The following HS1BP3 variants were observed in gnomAD, a reference collection of about 807,000 sequenced individuals.
HS1BP3 encodes the protein HCLS1 binding protein 3, also known as HCLS1-binding protein 3.
In HS1BP3, 32 loss-of-function variants were observed where a neutral mutation model predicts 33.5. The ratio of observed to expected loss-of-function variants is 0.95; its 90% CI spans 0.72 to 1.28. The LOEUF is 1.28. Among genes scored for constraint, HS1BP3 ranks in the 50% most tolerant of loss-of-function variants. The pLI, the probability that HS1BP3 is intolerant of heterozygous loss-of-function variation, is 0.00. For synonymous variants in HS1BP3, 187 were observed against 209.2 expected (o/e 0.89, Z 0.92); for missense variants, 486 against 502.3 (o/e 0.97, Z 0.31).
At chr2:20,575,606 G>C (rs910210054) in intron 5 of HS1BP3, among the ~76,000 whole-genome samples, 1 of 152,254 alleles carries the variant, frequency 6.6e-6, no homozygotes, top group African/African-American at 2.4e-5. Flanking sequence ...TGAGGAGCCA[G>C]GCACTGGGGA....
At chr2:20,565,271 C>T (rs1363968056) in intron 5 of HS1BP3, among the ~76,000 whole-genome samples, 1 of 152,230 alleles carries the variant, frequency 6.6e-6, no homozygotes, top group Non-Finnish European at 1.5e-5. Context: ...GCTGCACACT[C>T]ACCCAGGGCA....
At chr2:20,623,692 T>C in intron 6 of HS1BP3, 1 of 477,490 alleles carries the variant, frequency 2.1e-6, no homozygotes, top group Non-Finnish European at 3.6e-6. Flanking sequence ...TGGAACTAGC[T>C]GAGCAGCCCT....
chr2:20,613,712 C>A (rs1010745563), downstream of HS1BP3, among the ~76,000 whole-genome samples: 3 of 152,178 alleles, frequency 2.0e-5, no homozygotes, highest in African/African-American at 7.2e-5. Context: ...ACACACACAA[C>A]TGCCTGCCCA....
intron 4 of HS1BP3, among the ~76,000 whole-genome samples, chr2:20,631,484 T>A (rs1320154637): frequency 8.6e-6 from 1 of 116,556 alleles, no homozygotes. Context: ...ACCACTATAC[T>A]CCAGCCTAGG....
intron 2 of HS1BP3, among the ~76,000 whole-genome samples, chr2:20,644,721 C>T (rs1695463418): frequency 6.6e-6 from 1 of 152,204 alleles, no homozygotes; most frequent in Non-Finnish European, 1.5e-5. Context: ...TTTGTTCCTT[C>T]CAATCCAACT....
chr2:20,600,462 A>G (rs1338184602), intron 2 of HS1BP3, among the ~76,000 whole-genome samples: 1 of 152,174 alleles, frequency 6.6e-6, no homozygotes, highest in African/African-American at 2.4e-5. Flanking sequence ...ACCAAAGAGA[A>G]TGGGTCCAGC....
chr2:20,597,473 T>C (rs1031432552), intron 3 of HS1BP3, among the ~76,000 whole-genome samples: 1 of 152,158 alleles, frequency 6.6e-6, no homozygotes, highest in Admixed American at 6.5e-5. Flanking sequence ...CACGTTGGCG[T>C]TCTCAGCTCT....
intron 2 of HS1BP3, among the ~76,000 whole-genome samples, chr2:20,601,379 C>A (rs1572324332): frequency 1.3e-5 from 2 of 152,318 alleles, no homozygotes; most frequent in Non-Finnish European, 2.9e-5. Context: ...CTTGGAAAAA[C>A]ACACATGCTT....
chr2:20,567,157 C>T (rs947664234), intron 5 of HS1BP3, among the ~76,000 whole-genome samples: 11 of 152,156 alleles, frequency 7.2e-5, no homozygotes, highest in African/African-American at 1.7e-4. Flanking sequence ...ACGACAACAC[C>T]GAGACTTGGG....
At chr2:20,620,056 G>A (rs1283772527) in intron 6 of HS1BP3, among the ~76,000 whole-genome samples, 1 of 152,244 alleles carries the variant, frequency 6.6e-6, no homozygotes, top group Non-Finnish European at 1.5e-5. Flanking sequence ...TGGGTACTGA[G>A]GGCAAGAAAC....
chr2:20,645,250 G>A (rs1221426335), intron 2 of HS1BP3, 90 bp downstream of exon 2: 1 of 1,332,988 alleles, frequency 7.5e-7, no homozygotes, highest in Non-Finnish European at 1.0e-6. Context: ...CACTTGCTCT[G>A]GATGCTACTT....
chr2:20,562,800 C>T (rs566512997), intron 5 of HS1BP3, among the ~76,000 whole-genome samples: 5 of 152,236 alleles, frequency 3.3e-5, no homozygotes, highest in Admixed American at 6.5e-5. Flanking sequence ...TCCTTGGTGG[C>T]GGGAAAACAA....
rs543377005 is a variant in HS1BP3, at chr2:20,571,011, A to G, written c.303-10496T>C. On this transcript the variant is annotated intron_variant, in intron 5 of 5. Coordinates refer to the HS1BP3 transcript ENST00000446825. ...AGGATTGCAGAACCCAGGGAGAGAG[A>G]AGAGGAAGACCTATGACAGGGCAGT... Among the ~76,000 whole-genome samples, 113 of 152,174 alleles carry G rather than the reference A, an allele frequency of 7.4e-4. 2 individuals carry two copies. In the South Asian group the frequency reaches 0.023, roughly 30 times the overall value.
intron 5 of HS1BP3, among the ~76,000 whole-genome samples, chr2:20,585,379 G>A (rs944737248): frequency 6.2e-5 from 8 of 129,710 alleles, no homozygotes; most frequent in African/African-American, 2.7e-4. Flanking sequence ...TTTTACTCTC[G>A]AGTGTCCCGG....
intron 4 of HS1BP3, among the ~76,000 whole-genome samples, chr2:20,625,515 G>T (rs990619172): frequency 6.6e-6 from 1 of 152,264 alleles, no homozygotes; most frequent in Non-Finnish European, 1.5e-5. Flanking sequence ...ACTCAGGAGG[G>T]CAGAAAGCAG....
At chr2:20,565,644 A>G (rs1349152537) in intron 5 of HS1BP3, among the ~76,000 whole-genome samples, 1 of 152,226 alleles carries the variant, frequency 6.6e-6, no homozygotes, top group African/African-American at 2.4e-5. Flanking sequence ...ACACCCTGCA[A>G]CTAGGGTACG....
chr2:20,584,046 A>G (rs1158329970), intron 5 of HS1BP3, among the ~76,000 whole-genome samples: 1 of 152,216 alleles, frequency 6.6e-6, no homozygotes, highest in East Asian at 1.9e-4. Flanking sequence ...CCTCAGAACC[A>G]TTAGATGTGG....
chr2:20,650,534 C>A (rs1695660454), intron 1 of HS1BP3, among the ~76,000 whole-genome samples: 1 of 152,206 alleles, frequency 6.6e-6, no homozygotes, highest in Admixed American at 6.5e-5. Context: ...CGGGTTCCTG[C>A]CCTGTACTGT....
chr2:20,571,340 C>G (rs1693267805), intron 5 of HS1BP3, among the ~76,000 whole-genome samples: 1 of 152,188 alleles, frequency 6.6e-6, no homozygotes. Context: ...GAGGCCCCTC[C>G]CTCACAGCAC....
Sources: allele counts gnomAD v4.1 joint callset (sites outside exome capture counted in the v4.1 genomes callset), GRCh38; gene constraint gnomAD v4.1.1; transcripts MANE v1.5; gene names NCBI Gene and HGNC (gene_info 2026-07-23, HGNC 2026-07-21).